CD84: variants seen among roughly 807,000 people sequenced by gnomAD.
CD84 encodes the protein CD84 molecule.
CD84 carries 22 observed loss-of-function variants against 33.8 expected under a neutral mutation model. The observed-to-expected ratio is 0.65, with a 90% confidence interval of 0.46 to 0.93. The LOEUF (loss-of-function observed/expected upper bound fraction) is 0.93, where lower values mean the gene tolerates loss of function less well. Ranked by LOEUF, CD84 falls within the 40% of genes least tolerant of loss-of-function variation. The pLI, the probability that CD84 is intolerant of heterozygous loss-of-function variation, is 0.00. For synonymous variants in CD84, 154 were observed against 145.2 expected (o/e 1.06, Z -0.44); for missense variants, 400 against 397.6 (o/e 1.01, Z -0.05).
chr1:160,548,366 G>C (rs1655960970), intron 6 of CD84, 45 bp from the exon 7 acceptor site: 2 of 1,602,838 alleles, frequency 1.2e-6, no homozygotes, highest in African/African-American at 1.3e-5. Flanking sequence ...GAGAGGTGCT[G>C]CTGGGGAACT....
intron 2 of CD84, among the ~76,000 whole-genome samples, chr1:160,558,920 C>G (rs1156495745): frequency 6.6e-6 from 1 of 151,022 alleles, no homozygotes; most frequent in Non-Finnish European, 1.5e-5. Context: ...GACAGGCAGA[C>G]AAGAAAAAAG....
intron 1 of CD84, among the ~76,000 whole-genome samples, chr1:160,576,067 T>G (rs181825993): frequency 6.6e-6 from 1 of 152,348 alleles, no homozygotes; most frequent in Admixed American, 6.5e-5. Context: ...GGTAGTCATC[T>G]GCTTAAATCT....
chr1:160,572,502 C>A (rs545899937), intron 1 of CD84, among the ~76,000 whole-genome samples: 1 of 151,400 alleles, frequency 6.6e-6, no homozygotes, highest in Non-Finnish European at 1.5e-5. Context: ...AATGCAATTG[C>A]GAAGATAAAG....
chr1:160,576,716 C>A (rs1336584255), intron 1 of CD84, among the ~76,000 whole-genome samples: 3 of 152,112 alleles, frequency 2.0e-5, no homozygotes, highest in Admixed American at 1.3e-4. Context: ...GTTAAGTGGC[C>A]TTTGACTCTC....
intron 2 of CD84, among the ~76,000 whole-genome samples, chr1:160,564,241 A>G (rs1657177226): frequency 1.3e-5 from 2 of 152,214 alleles, no homozygotes; most frequent in South Asian, 4.1e-4. Context: ...TTGAGTTATC[A>G]CTGCACACCC....
chr1:160,561,307 C>A (rs1393715611), intron 2 of CD84, among the ~76,000 whole-genome samples: 1 of 152,138 alleles, frequency 6.6e-6, no homozygotes, highest in African/African-American at 2.4e-5. Context: ...CATCATAAAG[C>A]TTATCCACCA....
At chr1:160,572,722 G>A (rs780310410) in intron 1 of CD84, among the ~76,000 whole-genome samples, 5 of 152,098 alleles carry the variant, frequency 3.3e-5, no homozygotes, top group Admixed American at 6.6e-5. Flanking sequence ...GTGTGATTTC[G>A]TGACCTTCTT....
chr1:160,558,959 C>T (rs997205761), intron 2 of CD84, among the ~76,000 whole-genome samples: 2 of 152,084 alleles, frequency 1.3e-5, no homozygotes, highest in Non-Finnish European at 2.9e-5. Flanking sequence ...ATGAATGAAA[C>T]CTCCAAGACA....
rs1249550336 is a variant in CD84 at position 160,553,953 on chromosome 1, T to A, written c.582A>T (p.Thr194=). Residue 194 remains threonine, a synonymous_variant, in exon 3 of 7, where the codon ACA becomes ACT. Coordinates refer to ENST00000368054, the MANE Select transcript of CD84 (RefSeq NM_003874.4). ...PEDQELTYTC[T]AQNPVSNNSD... The stretch of plus-strand genomic sequence containing the variant: ...AATTGTTGCTGACAGGGTTCTGGGC[T>A]GTACACGTGTAAGTCAGCTCTTGGT... The A allele has an allele frequency of 6.8e-6, 11 of 1,614,126 alleles. No individual in the cohort carries two copies. Among genetic ancestry groups the A allele is most frequent in the Non-Finnish European group, 9.3e-6 (11 of 1,180,050 alleles).
At chr1:160,558,918 G>A (rs1409490764) in intron 2 of CD84, among the ~76,000 whole-genome samples, 3 of 151,880 alleles carry the variant, frequency 2.0e-5, no homozygotes, top group African/African-American at 7.3e-5. Context: ...AAGACAGGCA[G>A]ACAAGAAAAA....
At chr1:160,551,191 C>T (rs1190506491) in intron 4 of CD84, 156 bp from the exon 5 acceptor site, 1 of 649,334 alleles carries the variant, frequency 1.5e-6, no homozygotes, top group Non-Finnish European at 2.7e-6. Context: ...CTCAGAATGT[C>T]TCAGGAGTCA....
rs1655942271 is a variant in CD84, at chr1:160,548,167, G to A, written c.*89C>T. ...GTGGCAGTTTGCAATCTCCCAGTAA[G>A]AGTTGGGCAGAGAAGATCTGGATCC... On this transcript the variant is annotated 3_prime_UTR_variant, in exon 7 of 7. Transcript: ENST00000368054. 2 of 1,358,264 alleles carry A rather than the reference G, an allele frequency of 1.5e-6. No homozygotes were observed. Among genetic ancestry groups the A allele is most frequent in the East Asian group, 4.6e-5 (2 of 43,200 alleles). 84.1% of individuals were successfully genotyped at this position (1,358,264 alleles called of 1,614,324 possible).
chr1:160,554,039 A>G lies in CD84; in HGVS notation c.496T>C (p.Tyr166His), dbSNP rs757460740. 2 of 1,614,130 alleles carry G rather than the reference A, an allele frequency of 1.2e-6. No individual in the cohort carries two copies. The highest frequency in any genetic ancestry group is 1.7e-6 in the Non-Finnish European group (2 of 1,180,020). Residue 166 changes from tyrosine (Y) to histidine (H), a missense_variant, in exon 3 of 7, where the codon TAC (tyrosine) becomes CAC (histidine). Physicochemically the swap from Tyr to His is moderately conservative, Grantham distance 83 (BLOSUM62 2). Transcript: ENST00000368054. ...TCTTCTCCCAGGGGACTCCAATTGT[A>G]TGTCACATTCTTTTCTTCTTTCTCT... ...SVEKEEKNVT[Y>H]NWSPLGEEGN... is the part of the protein sequence containing the mutation.
Position 160,565,473 on chromosome 1 carries a change from A to G in CD84, c.319T>C (p.Tyr107His). ...SDLRMEDAGD[Y>H]KADINTQADP... ...GCCTGTGTATTTATGTCTGCTTTGTAGTCTCCTGCGTCTTCCATCCTCAGA... is the reference window on the plus strand; with the variant it reads ...GCCTGTGTATTTATGTCTGCTTTGTGGTCTCCTGCGTCTTCCATCCTCAGA... Residue 107 changes from tyrosine to histidine, a missense_variant, in exon 2 of 7, where the codon TAC becomes CAC. Tyr to His is a moderately conservative substitution (Grantham distance 83). Coordinates refer to ENST00000368054, the MANE Select transcript of CD84 (RefSeq NM_003874.4). The G allele has an allele frequency of 6.2e-7, 1 of 1,613,944 alleles. No homozygotes were observed. Among genetic ancestry groups the G allele is most frequent in the South Asian group, 1.1e-5 (1 of 91,076 alleles).
At position 160,548,131 on chromosome 1, in the gene CD84, C is replaced by T. The variant is rs1386975039; in HGVS notation, c.*125G>A. 6.2e-6 allele frequency: 6 copies of T among 972,428 alleles called. No homozygotes were observed. Among genetic ancestry groups the T allele is most frequent in the Non-Finnish European group, 9.6e-6 (6 of 624,510 alleles). 60.2% of individuals were successfully genotyped at this position (972,428 alleles called of 1,614,324 possible). A position where few individuals can be genotyped will look rare whatever the true frequency, so the allele number is the denominator to read the frequency against. On this transcript the variant is annotated 3_prime_UTR_variant, in exon 7 of 7. Coordinates refer to ENST00000368054, the MANE Select transcript of CD84 (RefSeq NM_003874.4). ...AGCAGAAGGTTTCCTGCTTTGCTTA[C>T]AGGCTGAGATGTGGCAGTTTGCAAT...
At chr1:160,575,494 A>AATACACACAC (rs5778167) in intron 1 of CD84, among the ~76,000 whole-genome samples, 1 of 146,706 alleles carries the variant, frequency 6.8e-6, no homozygotes, top group Non-Finnish European at 1.5e-5. Context: ...GTTCCTTCAA[A>AATACACACAC]ACACACACAC....
chr1:160,560,663 A>G (rs1656892843), intron 2 of CD84, among the ~76,000 whole-genome samples: 1 of 152,196 alleles, frequency 6.6e-6, no homozygotes, highest in Admixed American at 6.5e-5. Context: ...ACTGAAGGAG[A>G]CAGAGACACA....
At chr1:160,561,544 C>T (rs1193626982) in intron 2 of CD84, among the ~76,000 whole-genome samples, 2 of 152,164 alleles carry the variant, frequency 1.3e-5, no homozygotes, top group Non-Finnish European at 2.9e-5. Flanking sequence ...ATGACAAACT[C>T]ACGCCAATAT....
intron 2 of CD84, among the ~76,000 whole-genome samples, chr1:160,557,128 A>C (rs1656661115): frequency 6.6e-6 from 1 of 152,226 alleles, no homozygotes; most frequent in South Asian, 2.1e-4. Flanking sequence ...ATCTCATTTA[A>C]TACCATCAAT....
Sources: allele counts gnomAD v4.1 joint callset (sites outside exome capture counted in the v4.1 genomes callset), GRCh38; gene constraint gnomAD v4.1.1; transcripts MANE v1.5; gene names NCBI Gene and HGNC (gene_info 2026-07-23, HGNC 2026-07-21).